The following MYBPC3 variants were observed in gnomAD, a reference collection of about 807,000 sequenced individuals.
The protein encoded by MYBPC3 is myosin-binding protein C, cardiac-type.
A neutral mutation model predicts 159.3 loss-of-function variants in MYBPC3; 108 were observed. That is an observed-to-expected ratio of 0.68 (90% confidence interval 0.58 to 0.80). The LOEUF (loss-of-function observed/expected upper bound fraction) is 0.80. MYBPC3 is among the 30% of genes least tolerant of loss of function. The probability of loss-of-function intolerance (pLI) is 0.00; values close to 1 mark genes in which losing one functional copy is unlikely to be tolerated. For synonymous variants in MYBPC3, 730 were observed against 702.0 expected, an observed-to-expected ratio of 1.04 and a Z score of -0.63; for missense variants, 1,631 against 1,762.1, an observed-to-expected ratio of 0.93 and a Z score of 1.33.
In MYBPC3 at chr11:47,350,644, G is replaced by A. The variant is rs570682235; in HGVS notation, c.293-29C>T. Reference sequence around the variant, plus strand: ...GAGGGGATCAGATGGGAGTCGTGGTGCAGCCACTAACCAGAGACCCCTCCA... The same window carrying A: ...GAGGGGATCAGATGGGAGTCGTGGTACAGCCACTAACCAGAGACCCCTCCA... On this transcript the variant is annotated intron_variant, in intron 2 of 34. Transcript: ENST00000545968. 1.2e-5 allele frequency: 18 copies of A among 1,448,194 alleles called. No homozygotes were observed. In the East Asian group the frequency reaches 2.8e-4, roughly 23 times the overall value. The allele number at this position is 1,448,194 out of a possible 1,614,324, so 89.7% of individuals were successfully genotyped here.
rs1287929313 is a variant in MYBPC3 at position 47,348,456 on chromosome 11, A to C, written c.740T>G (p.Phe247Cys). 6.2e-7 allele frequency: 1 copy of C among 1,613,284 alleles called. No homozygotes were observed. Among genetic ancestry groups the C allele is most frequent in the South Asian group, 1.1e-5 (1 of 90,936 alleles). Residue 247 changes from phenylalanine to cysteine, a missense_variant, in exon 6 of 35, where the codon TTT becomes TGT. By Grantham distance (205) the Phe-to-Cys change is radical. Coordinates refer to ENST00000545968, the MANE Select transcript of MYBPC3 (RefSeq NM_000256.3). ...YRCEVSTKDKFDCSNFNLTVH... is the reference protein window; with the variant it reads ...YRCEVSTKDKCDCSNFNLTVH... Reference sequence around the variant, plus strand: ...AGTGAGATTGAAGTTGGAGCAGTCAAATTTGTCCTTGGTGGACACCTCACA... The same window carrying C: ...AGTGAGATTGAAGTTGGAGCAGTCACATTTGTCCTTGGTGGACACCTCACA...
Position 47,335,943 on chromosome 11 carries a change from G to GC in MYBPC3, c.2670dup (p.Arg891AlafsTer160), listed in dbSNP as rs863225104. On this transcript the variant is annotated frameshift_variant, in exon 26 of 35. Coordinates refer to ENST00000545968, the MANE Select transcript of MYBPC3 (RefSeq NM_000256.3). LOFTEE classifies it high-confidence loss of function. ...CCTGCTCCCACGCGCTCTGGGGGCC[G>GC]CCACTTGAGGGAGACCGTGGTGTCA... 1 of 1,564,262 alleles carries GC rather than the reference G, an allele frequency of 6.4e-7. No individual in the cohort carries two copies. Among genetic ancestry groups the GC allele is most frequent in the Non-Finnish European group, 8.7e-7 (1 of 1,155,628 alleles).
Position 47,331,709 on chromosome 11 carries a change from G to A in MYBPC3, c.*34C>T, listed in dbSNP as rs1445440587. The A allele has an allele frequency of 1.7e-5, 16 of 940,354 alleles. No individual in the cohort carries two copies. Among genetic ancestry groups the A allele is most frequent in the Admixed American group, 1.1e-4 (4 of 36,298 alleles). The allele number at this position is 940,354 out of a possible 1,614,324, so 58.3% of individuals were successfully genotyped here. ...GGCTCCTGGCACGGGGCTGGCATCC[G>A]GTTGTACCTGCAACACAGGTTATCT... On this transcript the variant is annotated 3_prime_UTR_variant, in exon 35 of 35. Transcript: ENST00000545968.
chr11:47,337,715 G>A lies in MYBPC3; in HGVS notation c.2388C>T (p.Ala796=). The change falls in exon 24 of 35, where the codon GCC becomes GCT. Residue 796 remains alanine, a synonymous_variant. Coordinates refer to ENST00000545968, the MANE Select transcript of MYBPC3 (RefSeq NM_000256.3). ...CCAGGATGGGCTGCCCGCCATCGTA[G>A]GCAGGCGGCTCCCACTGTACTGTGC... ...DSCTVQWEPP[A]YDGGQPILGY... The A allele has an allele frequency of 6.4e-7, 1 of 1,571,132 alleles. No homozygotes were observed. Among genetic ancestry groups the A allele is most frequent in the South Asian group, 1.2e-5 (1 of 86,138 alleles).
Position 47,337,476 on chromosome 11 carries a change from G to T in MYBPC3, c.2517C>A (p.Gly839=). The T allele has an allele frequency of 6.2e-7, 1 of 1,613,868 alleles. No homozygotes were observed. The highest frequency in any genetic ancestry group is 8.5e-7 in the Non-Finnish European group (1 of 1,179,876). The stretch of plus-strand genomic sequence containing the variant: ...CGTAGACGCGCATCTCGTACACCAC[G>T]CCCTCGATCATGCGCCGCGCTTCAT... ...LSHEARRMIE[G]VVYEMRVYAV... The change falls in exon 25 of 35, where the codon GGC becomes GGA. Residue 839 remains glycine, a synonymous_variant. Transcript: ENST00000545968.
rs1565631589 is a variant in MYBPC3 at position 47,351,094 on chromosome 11, G to T, written c.292+145C>A. On this transcript the variant is annotated intron_variant, in intron 2 of 34. Transcript: ENST00000545968. This position sits in a 1 kb window ranked among gnomAD's most constrained non-coding sequence, Gnocchi z 4.2. ...AGAGAGGTCATGTGCAGAAAAGGGG[G>T]AAAGGGCGTTCCTGGCGGGGGGCAC... 1 of 1,100,448 alleles carries T rather than the reference G, an allele frequency of 9.1e-7. No homozygotes were observed. 68.2% of individuals were successfully genotyped at this position (1,100,448 alleles called of 1,614,324 possible).
Position 47,335,081 on chromosome 11 carries a change from CAG to C in MYBPC3, c.2864_2865del (p.Pro955ArgfsTer95), listed in dbSNP as rs397515990. ...RAHNMAGPGA[P>X]VTTTEPVTVQ... is the part of the protein sequence containing the mutation. ...ACTGTCACCGGCTCCGTGGTGGTAACAGGGGCTCCAGGCCCTGCCATATTGTG... is the reference window on the plus strand; with the variant it reads ...ACTGTCACCGGCTCCGTGGTGGTAACGGGCTCCAGGCCCTGCCATATTGTG... On this transcript the variant is annotated frameshift_variant, in exon 27 of 35. Coordinates refer to ENST00000545968, the MANE Select transcript of MYBPC3 (RefSeq NM_000256.3). LOFTEE classifies it high-confidence loss of function. 6.9e-6 allele frequency: 11 copies of C among 1,595,750 alleles called. No homozygotes were observed. The highest frequency in any genetic ancestry group is 9.4e-6 in the Non-Finnish European group (11 of 1,170,134).
chr11:47,333,960 T>C lies in MYBPC3; in HGVS notation c.2956A>G (p.Lys986Glu), dbSNP rs876657871. ...AGAAGGTTCACAGGCTCCCCGACCT[T>C]CTTCTGAATGGTCTGGCGCAGGTGC... is the stretch of plus-strand genomic sequence containing the variant. The part of the protein sequence containing the change: ...PRHLRQTIQK[K>E]VGEPVNLLIP... The change falls in exon 28 of 35, where the codon AAG (lysine) becomes GAG (glutamate). Residue 986 changes from lysine (K) to glutamate (E), a missense_variant. By Grantham distance (56) the Lys-to-Glu change is moderately conservative. Transcript: ENST00000545968. 23 of 1,585,112 alleles carry C rather than the reference T, an allele frequency of 1.5e-5. No homozygotes were observed. The highest frequency in any genetic ancestry group is 2.0e-5 in the Non-Finnish European group (23 of 1,165,956).
chr11:47,334,087 G>A, intron 27 of MYBPC3, 77 bp from the exon 28 acceptor site: 1 of 1,393,324 alleles, frequency 7.2e-7, no homozygotes, highest in Non-Finnish European at 9.9e-7. Context: ...CCTCCCTTGA[G>A]ACAAGGCCCA....
Position 47,339,389 on chromosome 11 carries a change from C to T in MYBPC3, c.2083G>A (p.Ala695Thr), listed in dbSNP as rs1360594566. The T allele has an allele frequency of 1.2e-6, 2 of 1,614,032 alleles. No individual in the cohort carries two copies. The highest frequency in any genetic ancestry group is 1.7e-6 in the Non-Finnish European group (2 of 1,179,882). Residue 695 changes from alanine (A) to threonine (T), a missense_variant, in exon 22 of 35, where the codon GCC becomes ACC. Transcript: ENST00000545968. ...KAITQGNKAP[A>T]RPAPDAPEDT... ...TCTGGGGCATCTGGGGCTGGCCTGG[C>T]TGGGGCCTTATTCCCCTGGGAACAG...
intron 5 of MYBPC3, among the ~76,000 whole-genome samples, chr11:47,349,340 A>G (rs915409799): frequency 6.6e-6 from 1 of 152,134 alleles, no homozygotes; most frequent in African/African-American, 2.4e-5. Context: ...TGTCTGTATA[A>G]TGAGGAATTG....
At chr11:47,352,490 T>A in intron 1 of MYBPC3, 133 bp downstream of exon 1, 3 of 1,123,876 alleles carry the variant, frequency 2.7e-6, no homozygotes, top group Non-Finnish European at 3.8e-6. Context: ...CCTGGAGGAC[T>A]GGCTGCCCCT....
intron 5 of MYBPC3, among the ~76,000 whole-genome samples, chr11:47,348,908 T>TTATATATATATATATGTATATA (rs2095897361): frequency 2.5e-5 from 1 of 39,884 alleles, no homozygotes; most frequent in Non-Finnish European, 5.4e-5. Flanking sequence ...CTGTCTCAAA[T>TTATATATATATATATGTATATA]TATATATATA....
chr11:47,349,694 G>A, intron 5 of MYBPC3, 80 bp downstream of exon 5: 1 of 1,511,310 alleles, frequency 6.6e-7, no homozygotes, highest in Non-Finnish European at 8.8e-7. Flanking sequence ...TGGGTCTCAT[G>A]GTGCCCTCTG....
At chr11:47,350,382 C>T in intron 3 of MYBPC3, 120 bp downstream of exon 3, 1 of 1,489,654 alleles carries the variant, frequency 6.7e-7, no homozygotes, top group Admixed American at 2.7e-5. Flanking sequence ...ACCTCGGCCT[C>T]CCAAAGTACT....
intron 8 of MYBPC3, 42 bp from the exon 9 acceptor site, chr11:47,347,521 G>T: frequency 6.3e-7 from 1 of 1,581,116 alleles, no homozygotes; most frequent in Non-Finnish European, 8.6e-7. Context: ...TGAGGGACTG[G>T]AAAGGGATTA....
Position 47,350,434 on chromosome 11 carries a change from G to T in MYBPC3, c.406+68C>A, listed in dbSNP as rs1056521161. On this transcript the variant is annotated intron_variant, in intron 3 of 34. Coordinates refer to ENST00000545968, the MANE Select transcript of MYBPC3 (RefSeq NM_000256.3). ...AGCCACCGCACCTGGCCCAGCAAAG[G>T]CTTTTGAGACCTGCCCTGGACACGC... The T allele has an allele frequency of 1.3e-5, 20 of 1,527,252 alleles. No individual in the cohort carries two copies. In the East Asian group the frequency reaches 4.7e-4, roughly 36 times the overall value. 94.6% of individuals were successfully genotyped at this position (1,527,252 alleles called of 1,614,324 possible). A position where few individuals can be genotyped will look rare whatever the true frequency, so the allele number is the denominator to read the frequency against.
At chr11:47,350,274 G>A (rs893656424) in intron 3 of MYBPC3, among the ~76,000 whole-genome samples, 162 bp from the exon 4 acceptor site, 12 of 138,480 alleles carry the variant, frequency 8.7e-5, no homozygotes, top group South Asian at 2.6e-4. Context: ...GCAGGTGCCC[G>A]CCACCACGCC....
chr11:47,333,690 C>T lies in MYBPC3; in HGVS notation c.3057G>A (p.Val1019=), dbSNP rs750618688. The T allele has an allele frequency of 5.0e-6, 8 of 1,610,986 alleles. No homozygotes were observed. The Admixed American group carries it at 1.0e-4, about 20-fold the overall frequency. ...TGTCTGTGGGGCTGTTGCGGATGCT[C>T]ACCTCCTCGCCTGCCAGGGGCTGCC... ...KEGQPLAGEE[V]SIRNSPTDTI... Residue 1019 remains valine, a synonymous_variant, in exon 29 of 35, where the codon GTG becomes GTA. Coordinates refer to ENST00000545968, the MANE Select transcript of MYBPC3 (RefSeq NM_000256.3).
Sources: gnomAD v4.1 joint callset for allele counts (sites outside exome capture counted in the v4.1 genomes callset) on GRCh38, gnomAD v4.1.1 for gene constraint, Gnocchi (gnomAD v3.1) non-coding constraint, MANE v1.5 for transcripts, NCBI Gene and HGNC (gene_info 2026-07-23, HGNC 2026-07-21) for gene names.